Variants in KLRG1 observed in about 807,000 individuals in gnomAD.
KLRG1 encodes killer cell lectin-like receptor subfamily G member 1.
KLRG1 carries 16 observed loss-of-function variants against 21.8 expected under a neutral mutation model. That is an observed-to-expected ratio of 0.73 (90% CI 0.50 to 1.11). KLRG1 has a LOEUF of 1.11. KLRG1 is among the 50% of genes most tolerant of loss of function. The pLI, the probability that KLRG1 is intolerant of heterozygous loss-of-function variation, is 0.00. For missense variants in KLRG1, 173 were observed against 218.3 expected (o/e 0.79, Z 1.31); for synonymous variants, 69 against 75.9 (o/e 0.91, Z 0.47).
chr12:9,112,138 T>C, the KLRG1 span: 15 of 1,612,470 alleles, frequency 9.3e-6, no homozygotes, highest in South Asian at 1.2e-4. Flanking sequence ...AATCATTTTA[T>C]GTAGATAATA....
chr12:9,145,080 A>G, the KLRG1 span, among the ~76,000 whole-genome samples: 1,775 of 152,256 alleles, frequency 0.012, 13 homozygotes, highest in Non-Finnish European at 0.019. Flanking sequence ...TAAAGTAAGT[A>G]CCTTGTATAT....
chr12:9,016,326 T>C, the KLRG1 span, among the ~76,000 whole-genome samples: 1 of 152,022 alleles, frequency 6.6e-6, no homozygotes, highest in South Asian at 2.1e-4. Context: ...AAGGAGACAT[T>C]ACAACAAATA....
At chr12:9,064,368 G>C in the KLRG1 span, 1 of 153,976 alleles carries the variant, frequency 6.5e-6, no homozygotes, top group Non-Finnish European at 1.5e-5. This position sits in a 1 kb window ranked among gnomAD's most constrained non-coding sequence, Gnocchi z 4.0. Flanking sequence ...CGGCGGAGCA[G>C]CTGCGGGAGC....
At chr12:9,086,039 G>C in the KLRG1 span, among the ~76,000 whole-genome samples, 2 of 152,200 alleles carry the variant, frequency 1.3e-5, no homozygotes, top group South Asian at 2.1e-4. Context: ...ATAACTGTTG[G>C]CTTCACTGCT....
At chr12:9,092,224 A>G in the KLRG1 span, among the ~76,000 whole-genome samples, 6 of 152,070 alleles carry the variant, frequency 3.9e-5, no homozygotes, top group African/African-American at 1.4e-4. Flanking sequence ...AGGTCTGAAC[A>G]TACCCCTGGG....
At chr12:9,212,644 T>G in the KLRG1 span, among the ~76,000 whole-genome samples, 1 of 152,062 alleles carries the variant, frequency 6.6e-6, no homozygotes, top group Non-Finnish European at 1.5e-5. Context: ...TTTTCCAGAA[T>G]GTGAAATGGG....
At chr12:9,195,542 C>G in the KLRG1 span, among the ~76,000 whole-genome samples, 1 of 150,980 alleles carries the variant, frequency 6.6e-6, no homozygotes, top group African/African-American at 2.4e-5. Context: ...GTTCTGGGCT[C>G]GAGGGATCCT....
At chr12:9,090,028 A>T in the KLRG1 span, 9 of 1,581,916 alleles carry the variant, frequency 5.7e-6, no homozygotes, top group South Asian at 2.3e-5. Context: ...CATTTCCTGA[A>T]AAAAAAGGCC....
chr12:9,086,055 C>G, the KLRG1 span, among the ~76,000 whole-genome samples: 1 of 152,108 alleles, frequency 6.6e-6, no homozygotes, highest in Admixed American at 6.6e-5. Flanking sequence ...CTGCTAGGTT[C>G]TACTTATCAT....
intron 1 of KLRG1, among the ~76,000 whole-genome samples, chr12:8,966,297 A>C (rs1386808979): frequency 6.6e-6 from 1 of 152,226 alleles, no homozygotes; most frequent in African/African-American, 2.4e-5. Flanking sequence ...TCATGTCTAA[A>C]ACACCAAAAG....
chr12:8,998,508 C>T (rs993319404), intron 3 of KLRG1, among the ~76,000 whole-genome samples: 7 of 152,038 alleles, frequency 4.6e-5, no homozygotes, highest in African/African-American at 1.7e-4. Flanking sequence ...GGCAACATGG[C>T]AAGACCCTGC....
the KLRG1 span, chr12:9,077,863 CAGGGAGGA>C: frequency 6.2e-7 from 1 of 1,614,082 alleles, no homozygotes; most frequent in South Asian, 1.1e-5. Context: ...TGAGCCTGAC[CAGGGAGGA>C]AGCAATCATG....
At chr12:9,111,288 G>C in the KLRG1 span, among the ~76,000 whole-genome samples, 1 of 152,088 alleles carries the variant, frequency 6.6e-6, no homozygotes, top group African/African-American at 2.4e-5. Flanking sequence ...TGTTATAATA[G>C]AAATAGGCAG....
intron 3 of KLRG1, among the ~76,000 whole-genome samples, chr12:8,997,122 C>T (rs1947155271): frequency 6.6e-6 from 1 of 152,188 alleles, no homozygotes; most frequent in Non-Finnish European, 1.5e-5. Context: ...TGCTTCCTGA[C>T]ATGCCCCCAT....
chr12:9,111,549 T>C, the KLRG1 span: 2 of 456,278 alleles, frequency 4.4e-6, no homozygotes, highest in Non-Finnish European at 8.8e-6. Flanking sequence ...GATTTTCCAG[T>C]GAAGTGGATG....
chr12:9,096,332 C>T, the KLRG1 span, among the ~76,000 whole-genome samples: 2 of 152,238 alleles, frequency 1.3e-5, no homozygotes, highest in East Asian at 3.9e-4. Context: ...ATTGAAAAAT[C>T]GAGGTCTGCT....
chr12:9,072,485 GTC>G, the KLRG1 span: 1 of 1,611,594 alleles, frequency 6.2e-7, no homozygotes, highest in South Asian at 1.1e-5. Flanking sequence ...TTTCAAGGAT[GTC>G]TATAGAACAT....
chr12:9,114,131 A>G, the KLRG1 span, among the ~76,000 whole-genome samples: 1 of 152,150 alleles, frequency 6.6e-6, no homozygotes, highest in African/African-American at 2.4e-5. Context: ...TTACCTAACC[A>G]TGGATGTTTG....
chr12:9,176,365 T>C, the KLRG1 span, among the ~76,000 whole-genome samples: 1 of 152,154 alleles, frequency 6.6e-6, no homozygotes. Flanking sequence ...AATACCTAGG[T>C]GATGGGTTGA....
Sources: gnomAD v4.1 joint callset for allele counts (sites outside exome capture counted in the v4.1 genomes callset) on GRCh38, gnomAD v4.1.1 for gene constraint, Gnocchi (gnomAD v3.1) non-coding constraint, MANE v1.5 for transcripts, NCBI Gene and HGNC (gene_info 2026-07-23, HGNC 2026-07-21) for gene names.